NME7: variants seen among roughly 807,000 people sequenced by gnomAD.
The protein encoded by NME7 is NME/NM23 family member 7.
Under a neutral mutation model 49.1 loss-of-function variants are expected in NME7, and 41 were observed. The observed-to-expected ratio is 0.83, with a 90% CI of 0.65 to 1.08. The LOEUF is 1.08. Among genes scored for constraint, NME7 ranks in the 50% least tolerant of loss-of-function variants. The pLI is 0.00. For missense variants in NME7, 423 were observed against 463.4 expected (o/e 0.91, Z 0.80); for synonymous variants, 139 against 150.6 (o/e 0.92, Z 0.56).
Position 169,314,755 on chromosome 1 carries a change from TAAAGAAA to T in NME7, c.279-4682_279-4676del, listed in dbSNP as rs1331451440. Among the ~76,000 whole-genome samples, 4 of 147,160 alleles carry T rather than the reference TAAAGAAA, an allele frequency of 2.7e-5. No individual in the cohort carries two copies. The East Asian group carries it at 1.4e-3, about 52-fold the overall frequency. On this transcript the variant is annotated intron_variant, in intron 3 of 11. Coordinates refer to ENST00000367811, the MANE Select transcript of NME7 (RefSeq NM_013330.5). ...CATTCTGCACACGTATCCCGGAACT[TAAAGAAA>T]AAAAAAGATATAAAAAACAAACAAA...
At chr1:169,145,672 A>G (rs1658726398) in intron 11 of NME7, among the ~76,000 whole-genome samples, 1 of 152,220 alleles carries the variant, frequency 6.6e-6, no homozygotes, top group African/African-American at 2.4e-5. Context: ...CTATTCTGTA[A>G]GATGACAAGG....
At chr1:169,311,404 G>A (rs12031830) in intron 3 of NME7, among the ~76,000 whole-genome samples, 49,402 of 132,564 alleles carry the variant, frequency 0.37, 9,801 homozygotes, top group Non-Finnish European at 0.45. Context: ...GGGCGACAGC[G>A]AGACTCCATC....
At chr1:169,252,611 G>T (rs1490207566) in intron 7 of NME7, among the ~76,000 whole-genome samples, 1 of 152,138 alleles carries the variant, frequency 6.6e-6, no homozygotes, top group African/African-American at 2.4e-5. Context: ...ATTGTTTTTG[G>T]TGTTTTAGAC....
chr1:169,327,692 T>C (rs1652112352), intron 1 of NME7, among the ~76,000 whole-genome samples: 1 of 152,186 alleles, frequency 6.6e-6, no homozygotes, highest in African/African-American at 2.4e-5. Flanking sequence ...CATATAAGTT[T>C]TATAACAAAA....
chr1:169,355,087 A>G (rs1261809808), intron 1 of NME7, among the ~76,000 whole-genome samples: 1 of 61,596 alleles, frequency 1.6e-5, no homozygotes, highest in African/African-American at 6.6e-5. Context: ...AATATATAAT[A>G]TACTATATAT....
chr1:169,351,285 TC>T (rs1164601334), intron 1 of NME7, among the ~76,000 whole-genome samples: 1 of 152,076 alleles, frequency 6.6e-6, no homozygotes, highest in Non-Finnish European at 1.5e-5. Context: ...CTCTTTCAGA[TC>T]TAAGACTTTA....
Position 169,310,087 on chromosome 1 carries a change from G to A in NME7, c.279-7C>T. ...TTTAATTAGGGCTAGCGTTCTATAA[G>A]GAAACAAAAAATAAGTTTGCAAATA... is the stretch of plus-strand genomic sequence containing the variant. On this transcript the variant is annotated splice_polypyrimidine_tract_variant and splice_region_variant and intron_variant, in intron 3 of 11. Coordinates refer to ENST00000367811, the MANE Select transcript of NME7 (RefSeq NM_013330.5). 2.0e-6 allele frequency: 3 copies of A among 1,527,800 alleles called. No individual in the cohort carries two copies. Among genetic ancestry groups the A allele is most frequent in the East Asian group, 2.3e-5 (1 of 43,764 alleles). The allele number at this position is 1,527,800 out of a possible 1,614,324, so 94.6% of individuals were successfully genotyped here. A position where few individuals can be genotyped will look rare whatever the true frequency, so the allele number is the denominator to read the frequency against.
At chr1:169,137,903 C>T (rs1370544385) in intron 11 of NME7, among the ~76,000 whole-genome samples, 2 of 152,108 alleles carry the variant, frequency 1.3e-5, no homozygotes, top group Non-Finnish European at 2.9e-5. Context: ...GATGTACCCC[C>T]CACAAATCTA....
At chr1:169,228,794 C>T (rs990753795) in intron 10 of NME7, among the ~76,000 whole-genome samples, 3 of 151,956 alleles carry the variant, frequency 2.0e-5, no homozygotes, top group Non-Finnish European at 4.4e-5. Context: ...CTCATCTAGC[C>T]AAAAAGCAAT....
intron 11 of NME7, among the ~76,000 whole-genome samples, chr1:169,135,091 G>A (rs781301577): frequency 2.7e-5 from 4 of 150,712 alleles, no homozygotes; most frequent in Non-Finnish European, 4.4e-5. Context: ...TTGGACGTCT[G>A]GGGTGGTAGG....
At chr1:169,318,655 A>G (rs558201972) in intron 3 of NME7, among the ~76,000 whole-genome samples, 1 of 152,338 alleles carries the variant, frequency 6.6e-6, no homozygotes, top group Admixed American at 6.5e-5. Flanking sequence ...CTACATGGAA[A>G]CGTTCAGGAA....
At chr1:169,132,893 G>T (rs1323117149) in intron 11 of NME7, 76 bp from the exon 12 acceptor site, 1 of 1,207,436 alleles carries the variant, frequency 8.3e-7, no homozygotes, top group Non-Finnish European at 1.2e-6. Context: ...CCAAGAGGTT[G>T]GTCAGGACTT....
chr1:169,253,566 C>T (rs1648742476), intron 7 of NME7, among the ~76,000 whole-genome samples: 1 of 152,136 alleles, frequency 6.6e-6, no homozygotes. Context: ...CCTTCTCCTG[C>T]CTAATTGCCC....
intron 6 of NME7, among the ~76,000 whole-genome samples, chr1:169,294,775 A>G (rs1650641352): frequency 6.6e-6 from 1 of 152,232 alleles, no homozygotes; most frequent in South Asian, 2.1e-4. Flanking sequence ...AATTAAATGC[A>G]CAAAATATAA....
At chr1:169,169,888 T>C (rs1659527955) in intron 10 of NME7, among the ~76,000 whole-genome samples, 1 of 152,180 alleles carries the variant, frequency 6.6e-6, no homozygotes, top group Non-Finnish European at 1.5e-5. Context: ...TTCAAAAGCT[T>C]TTAAAAAAAT....
intron 9 of NME7, 139 bp downstream of exon 9, chr1:169,234,992 C>T (rs748492755): frequency 3.6e-5 from 15 of 418,266 alleles, no homozygotes; most frequent in Non-Finnish European, 5.1e-5. Flanking sequence ...GTCGTTGACA[C>T]AGAACTTTAG....
chr1:169,207,664 T>C (rs987882642), intron 10 of NME7, among the ~76,000 whole-genome samples: 1 of 152,128 alleles, frequency 6.6e-6, no homozygotes. Context: ...AATGCAAGTA[T>C]TTATGAGTTT....
chr1:169,234,897 CATTA>C (rs1348712448), intron 9 of NME7, among the ~76,000 whole-genome samples: 4 of 152,066 alleles, frequency 2.6e-5, no homozygotes, highest in Non-Finnish European at 5.9e-5. Context: ...GAGAAAACTT[CATTA>C]TTATACCAAA....
intron 10 of NME7, among the ~76,000 whole-genome samples, chr1:169,198,039 G>T (rs1320138068): frequency 1.3e-5 from 2 of 151,938 alleles, no homozygotes; most frequent in East Asian, 3.9e-4. Flanking sequence ...TTAAAAATAG[G>T]CAAAGAACTG....
Sources: allele counts gnomAD v4.1 joint callset (sites outside exome capture counted in the v4.1 genomes callset), GRCh38; gene constraint gnomAD v4.1.1; transcripts MANE v1.5; gene names NCBI Gene and HGNC (gene_info 2026-07-23, HGNC 2026-07-21).